The following PDS5A variants were observed in gnomAD, a reference collection of about 807,000 sequenced individuals.
PDS5A encodes PDS5 cohesin associated factor A.
A neutral mutation model predicts 167.1 loss-of-function variants in PDS5A; 42 were observed. The ratio of observed to expected loss-of-function variants is 0.25; its 90% confidence interval spans 0.20 to 0.33. The LOEUF (loss-of-function observed/expected upper bound fraction) is 0.33. Among genes scored for constraint, PDS5A ranks in the 10% least tolerant of loss-of-function variants. The pLI is 1.00. For synonymous variants in PDS5A, 553 were observed against 554.6 expected (o/e 1.00, Z 0.04); for missense variants, 1,033 against 1,605.9 (o/e 0.64, Z 6.10).
rs1465208819 is a variant in PDS5A at position 39,869,508 on chromosome 4, T to A, written c.2437-46A>T. The stretch of plus-strand genomic sequence containing the variant: ...TTAGCTATTAGCATGAAAAAAAAAA[T>A]TTATGTTTTTGCTGATTAAGTTTTT... On this transcript the variant is annotated intron_variant, in intron 21 of 32. Transcript: ENST00000303538. 33 of 1,064,204 alleles carry A rather than the reference T, an allele frequency of 3.1e-5. No individual in the cohort carries two copies. Among genetic ancestry groups the A allele is most frequent in the East Asian group, 7.4e-5 (3 of 40,352 alleles). The allele number at this position is 1,064,204 out of a possible 1,614,324, so 65.9% of individuals were successfully genotyped here.
chr4:39,905,419 A>C (rs944428159), intron 11 of PDS5A, among the ~76,000 whole-genome samples: 9 of 152,138 alleles, frequency 5.9e-5, no homozygotes, highest in Admixed American at 1.3e-4. Flanking sequence ...TTAGCCGGGC[A>C]TGGTGGCACG....
At chr4:39,949,486 G>T (rs941460295) in intron 2 of PDS5A, among the ~76,000 whole-genome samples, 2 of 151,756 alleles carry the variant, frequency 1.3e-5, no homozygotes, top group African/African-American at 4.8e-5. Flanking sequence ...GGAATATGAG[G>T]GTAATAGCTA....
chr4:39,961,295 T>G (rs1355884691), intron 2 of PDS5A, among the ~76,000 whole-genome samples: 2 of 152,130 alleles, frequency 1.3e-5, no homozygotes, highest in African/African-American at 2.4e-5. Flanking sequence ...TTCCTTTTAT[T>G]TTTTATTTAT....
intron 2 of PDS5A, among the ~76,000 whole-genome samples, chr4:39,941,437 G>A (rs1727214916): frequency 6.6e-6 from 1 of 152,178 alleles, no homozygotes; most frequent in African/African-American, 2.4e-5. Context: ...ATGGACTGCT[G>A]GCTAAGATTG....
Position 39,826,039 on chromosome 4 carries a change from C to CA in PDS5A, c.4011-552dup, listed in dbSNP as rs1715275513. Among the ~76,000 whole-genome samples, 6 of 152,124 alleles carry CA rather than the reference C, an allele frequency of 3.9e-5. No individual in the cohort carries two copies. The South Asian group carries it at 1.2e-3, about 32-fold the overall frequency. On this transcript the variant is annotated intron_variant, in intron 32 of 32. Coordinates refer to ENST00000303538, the MANE Select transcript of PDS5A (RefSeq NM_001100399.2). ...TTTTCAATGACTTAGTGCTGCTATCCAATGCCCTATTTGCTTACAACATTA... is the reference window on the plus strand; with the variant it reads ...TTTTCAATGACTTAGTGCTGCTATCCAAATGCCCTATTTGCTTACAACATTA...
intron 2 of PDS5A, among the ~76,000 whole-genome samples, chr4:39,963,823 G>A (rs567683963): frequency 1.3e-5 from 2 of 152,010 alleles, no homozygotes; most frequent in East Asian, 3.9e-4. Context: ...GTACCAGAGT[G>A]GGACTCAGTC....
At chr4:39,944,076 G>A (rs1305230525) in intron 2 of PDS5A, among the ~76,000 whole-genome samples, 3 of 150,946 alleles carry the variant, frequency 2.0e-5, no homozygotes, top group Non-Finnish European at 4.4e-5. Context: ...TACTCAGGAG[G>A]CTGAGGCAAG....
intron 17 of PDS5A, among the ~76,000 whole-genome samples, chr4:39,888,856 C>G (rs916438494): frequency 6.6e-6 from 1 of 152,070 alleles, no homozygotes; most frequent in Admixed American, 6.6e-5. Context: ...TTTTAGAGAT[C>G]GGTAGAGTGA....
intron 29 of PDS5A, 54 bp from the exon 30 acceptor site, chr4:39,844,855 T>C: frequency 2.7e-6 from 4 of 1,503,482 alleles, no homozygotes; most frequent in Non-Finnish European, 3.6e-6. Flanking sequence ...TACCTTACCA[T>C]GTATACATGT....
chr4:39,903,274 T>C (rs986327752), intron 12 of PDS5A, among the ~76,000 whole-genome samples: 1 of 152,262 alleles, frequency 6.6e-6, no homozygotes, highest in African/African-American at 2.4e-5. Flanking sequence ...CTGATTATTG[T>C]TCTCTCCATG....
chr4:39,864,463 C>T (rs1025947483), intron 23 of PDS5A, among the ~76,000 whole-genome samples: 6 of 152,148 alleles, frequency 3.9e-5, no homozygotes, highest in Non-Finnish European at 7.3e-5. Flanking sequence ...TTATTACTTA[C>T]GTGGTAAAAT....
rs747625236 is a variant in PDS5A, at chr4:39,949,821, G to GGAAAAAAAAAAAAA, written c.139-21658_139-21657insTTTTTTTTTTTTTC. Among the ~76,000 whole-genome samples the GGAAAAAAAAAAAAA allele has an allele frequency of 2.4e-4, 16 of 67,202 alleles. 1 individual carries two copies. Among genetic ancestry groups the GGAAAAAAAAAAAAA allele is most frequent in the South Asian group, 1.7e-3 (2 of 1,146 alleles). The allele number at this position is 67,202 out of a possible 152,430, so 44.1% of individuals were successfully genotyped here. A position where few individuals can be genotyped will look rare whatever the true frequency, so the allele number is the denominator to read the frequency against. ...GGCGACAGAATAAGACTCTGTCTCA[G>GGAAAAAAAAAAAAA]AAAAAAAAAAAAAAGAAAAACACCA... On this transcript the variant is annotated intron_variant, in intron 2 of 32. Coordinates refer to ENST00000303538, the MANE Select transcript of PDS5A (RefSeq NM_001100399.2).
intron 18 of PDS5A, among the ~76,000 whole-genome samples, chr4:39,878,858 C>T (rs1720699180): frequency 6.6e-6 from 1 of 152,058 alleles, no homozygotes; most frequent in Non-Finnish European, 1.5e-5. Flanking sequence ...ATTCTCCTGC[C>T]TCAGCCTCCG....
At chr4:39,878,718 C>T (rs747483269) in intron 18 of PDS5A, among the ~76,000 whole-genome samples, 1 of 152,122 alleles carries the variant, frequency 6.6e-6, no homozygotes, top group Non-Finnish European at 1.5e-5. Context: ...ATTCATGAGG[C>T]ATCATATCAA....
At chr4:39,850,852 G>A (rs976441881) in intron 26 of PDS5A, among the ~76,000 whole-genome samples, 1 of 152,166 alleles carries the variant, frequency 6.6e-6, no homozygotes, top group Non-Finnish European at 1.5e-5. Flanking sequence ...GACAAATCTG[G>A]AAATGGGGCC....
At chr4:39,888,840 C>G (rs1721721610) in intron 17 of PDS5A, among the ~76,000 whole-genome samples, 1 of 152,086 alleles carries the variant, frequency 6.6e-6, no homozygotes. Flanking sequence ...TATAGAACGA[C>G]TAGTGTTTTA....
At chr4:39,920,425 G>C in intron 6 of PDS5A, 26 bp from the exon 7 acceptor site, 1 of 1,059,264 alleles carries the variant, frequency 9.4e-7, no homozygotes, top group South Asian at 1.4e-5. Context: ...AACATGGAAA[G>C]TTACAAATAA....
intron 16 of PDS5A, among the ~76,000 whole-genome samples, chr4:39,891,853 A>C (rs1316985771): frequency 6.6e-6 from 1 of 152,228 alleles, no homozygotes; most frequent in Non-Finnish European, 1.5e-5. Flanking sequence ...TCATGCCTGT[A>C]ATCAAAGCAC....
In PDS5A at chr4:39,859,043, T is replaced by C. The variant is rs547771512; in HGVS notation, c.3086+3176A>G. On this transcript the variant is annotated intron_variant, in intron 26 of 32. Transcript: ENST00000303538. ...TCAAGAATGTAAATCATATACCTGA[T>C]AAGAGATAAATACCCAAATATATAA... Among the ~76,000 whole-genome samples the C allele has an allele frequency of 3.9e-5, 6 of 152,262 alleles. No homozygotes were observed. In the East Asian group the frequency reaches 1.2e-3, roughly 29 times the overall value.
Sources: allele counts gnomAD v4.1 joint callset (sites outside exome capture counted in the v4.1 genomes callset), GRCh38; gene constraint gnomAD v4.1.1; transcripts MANE v1.5; gene names NCBI Gene and HGNC (gene_info 2026-07-23, HGNC 2026-07-21).